Variants in GABBR2 observed in about 807,000 individuals in gnomAD.
GABBR2 encodes gamma-aminobutyric acid type B receptor subunit 2, also known as G-protein coupled receptor 51.
A neutral mutation model predicts 105.6 loss-of-function variants in GABBR2; 23 were observed. The observed-to-expected ratio is 0.22, with a 90% CI of 0.16 to 0.31. GABBR2 has a LOEUF of 0.31. Ranked by LOEUF, GABBR2 falls within the 10% of genes least tolerant of loss-of-function variation. The pLI is 1.00. For synonymous variants in GABBR2, 478 were observed against 499.7 expected (o/e 0.96, Z 0.58); for missense variants, 734 against 1,245.5 (o/e 0.59, Z 6.18).
intron 7 of GABBR2, among the ~76,000 whole-genome samples, chr9:98,412,005 G>A (rs2131540104): frequency 6.6e-6 from 1 of 152,308 alleles, no homozygotes; most frequent in East Asian, 1.9e-4. Flanking sequence ...TGTTTTCATT[G>A]TTCATCTTTA....
At chr9:98,665,486 G>T (rs1309154285) in intron 1 of GABBR2, among the ~76,000 whole-genome samples, 1 of 107,146 alleles carries the variant, frequency 9.3e-6, no homozygotes, top group Non-Finnish European at 2.1e-5. Context: ...AAAGGTCTTT[G>T]CATTAGGTCC....
intron 1 of GABBR2, among the ~76,000 whole-genome samples, chr9:98,655,129 T>C (rs903441903): frequency 1.3e-5 from 2 of 152,182 alleles, no homozygotes; most frequent in Non-Finnish European, 2.9e-5. Context: ...GTGAAGCTAT[T>C]CTATGTAATA....
intron 6 of GABBR2, among the ~76,000 whole-genome samples, chr9:98,457,565 C>A (rs887091216): frequency 6.6e-6 from 1 of 152,122 alleles, no homozygotes; most frequent in Non-Finnish European, 1.5e-5. Context: ...ACTGTCCTTC[C>A]CGGGTACAAG....
intron 1 of GABBR2, among the ~76,000 whole-genome samples, chr9:98,630,944 C>T (rs1829808651): frequency 6.6e-6 from 1 of 152,202 alleles, no homozygotes; most frequent in Non-Finnish European, 1.5e-5. Context: ...AACCCCATTT[C>T]AAGTACTCAC....
At chr9:98,331,341 T>C (rs1831020737) in intron 13 of GABBR2, among the ~76,000 whole-genome samples, 1 of 152,150 alleles carries the variant, frequency 6.6e-6, no homozygotes, top group South Asian at 2.1e-4. Flanking sequence ...CAGCTTCTGT[T>C]TTCTTTATCC....
At chr9:98,651,215 C>A (rs552222486) in intron 1 of GABBR2, among the ~76,000 whole-genome samples, 1 of 148,900 alleles carries the variant, frequency 6.7e-6, no homozygotes, top group East Asian at 2.0e-4. Context: ...GCAGTCTCAG[C>A]TTACTGCAAC....
At chr9:98,452,947 G>A (rs1007037671) in intron 7 of GABBR2, among the ~76,000 whole-genome samples, 3 of 152,194 alleles carry the variant, frequency 2.0e-5, no homozygotes, top group African/African-American at 7.2e-5. Context: ...CTGATTTTGG[G>A]TCCAGAGCTT....
intron 1 of GABBR2, among the ~76,000 whole-genome samples, chr9:98,681,336 G>C (rs570550186): frequency 1.4e-3 from 28 of 19,656 alleles, no homozygotes; most frequent in Non-Finnish European, 2.3e-3. Context: ...GTAAACTATC[G>C]CAAGAACAAC....
intron 6 of GABBR2, among the ~76,000 whole-genome samples, chr9:98,464,789 C>T (rs999868616): frequency 6.6e-6 from 1 of 152,294 alleles, no homozygotes; most frequent in Non-Finnish European, 1.5e-5. Context: ...ACTCTTCTGC[C>T]TTGGGATGCT....
At chr9:98,542,469 C>T (rs1190894420) in intron 2 of GABBR2, among the ~76,000 whole-genome samples, 1 of 152,078 alleles carries the variant, frequency 6.6e-6, no homozygotes, top group Non-Finnish European at 1.5e-5. Context: ...ATGAATATAC[C>T]ATAAATTTAC....
intron 13 of GABBR2, among the ~76,000 whole-genome samples, chr9:98,351,958 T>C (rs966983149): frequency 6.6e-6 from 1 of 152,262 alleles, no homozygotes; most frequent in Non-Finnish European, 1.5e-5. Context: ...CTTCCAATTT[T>C]AGGGATTGAC....
At chr9:98,483,012 A>G (rs1826960072) in intron 4 of GABBR2, among the ~76,000 whole-genome samples, 2 of 151,548 alleles carry the variant, frequency 1.3e-5, no homozygotes, top group Admixed American at 1.3e-4. Flanking sequence ...GTGGACTCCA[A>G]ATCTCTCCCC....
intron 3 of GABBR2, among the ~76,000 whole-genome samples, chr9:98,524,463 A>T (rs1588211432): frequency 6.6e-6 from 1 of 152,220 alleles, no homozygotes; most frequent in East Asian, 1.9e-4. Flanking sequence ...TGTAAATATG[A>T]ATGCCAGACC....
At chr9:98,580,390 T>C (rs770170012) in intron 1 of GABBR2, among the ~76,000 whole-genome samples, 2 of 152,230 alleles carry the variant, frequency 1.3e-5, no homozygotes, top group Non-Finnish European at 2.9e-5. Context: ...GTAGATTGAC[T>C]GATTTCCTAA....
chr9:98,470,688 T>C (rs1826655866), intron 6 of GABBR2, among the ~76,000 whole-genome samples: 1 of 152,272 alleles, frequency 6.6e-6, no homozygotes, highest in Middle Eastern at 3.4e-3. Context: ...TAAATAAAGA[T>C]AGAATCCAAC....
At chr9:98,658,150 T>C (rs1267683657) in intron 1 of GABBR2, among the ~76,000 whole-genome samples, 1 of 152,130 alleles carries the variant, frequency 6.6e-6, no homozygotes, top group Non-Finnish European at 1.5e-5. Context: ...CATCCACCCA[T>C]AGTCAAGTGA....
At chr9:98,507,703 G>T (rs561941483) in intron 3 of GABBR2, among the ~76,000 whole-genome samples, 1 of 152,222 alleles carries the variant, frequency 6.6e-6, no homozygotes, top group South Asian at 2.1e-4. Context: ...TTGTTCCCAG[G>T]CTAGCAGTGA....
intron 1 of GABBR2, among the ~76,000 whole-genome samples, chr9:98,584,513 T>C (rs934790584): frequency 1.3e-5 from 2 of 152,290 alleles, no homozygotes; most frequent in East Asian, 1.9e-4. Flanking sequence ...TTGGCACATA[T>C]AGGCTCTTAA....
intron 2 of GABBR2, among the ~76,000 whole-genome samples, chr9:98,573,719 T>A (rs1331183702): frequency 6.6e-6 from 1 of 152,252 alleles, no homozygotes; most frequent in Non-Finnish European, 1.5e-5. Context: ...TATAGAAGGA[T>A]GTAGAACAGT....
Sources: gnomAD v4.1 joint callset for allele counts (sites outside exome capture counted in the v4.1 genomes callset) on GRCh38, gnomAD v4.1.1 for gene constraint, MANE v1.5 for transcripts, NCBI Gene and HGNC (gene_info 2026-07-23, HGNC 2026-07-21) for gene names.